Variants in PDE11A observed in about 807,000 individuals in gnomAD.
PDE11A encodes the protein phosphodiesterase 11A, also known as dual 3',5'-cyclic-AMP and -GMP phosphodiesterase 11A.
PDE11A carries 100 observed loss-of-function variants against 100.5 expected under a neutral mutation model. That is an observed-to-expected ratio of 1.00 (90% CI 0.85 to 1.18). The LOEUF is 1.18. Among genes scored for constraint, PDE11A ranks in the 50% most tolerant of loss-of-function variants. The pLI is 0.00. For synonymous variants in PDE11A, 381 were observed against 420.8 expected, an observed-to-expected ratio of 0.91 and a Z score of 1.16; for missense variants, 1,141 against 1,152.6, an observed-to-expected ratio of 0.99 and a Z score of 0.15.
At chr2:177,702,234 G>A (rs903641496) in intron 13 of PDE11A, among the ~76,000 whole-genome samples, 1 of 151,804 alleles carries the variant, frequency 6.6e-6, no homozygotes, top group South Asian at 2.1e-4. Flanking sequence ...AGAATCACTC[G>A]AAACTGGGAA....
chr2:177,727,843 C>G, intron 11 of PDE11A, 78 bp from the exon 12 acceptor site: 1 of 1,005,822 alleles, frequency 9.9e-7, no homozygotes, highest in Non-Finnish European at 1.6e-6. Context: ...TGCCTTATAT[C>G]TGAGTAACCC....
At chr2:177,919,615 T>C (rs1384416347) in intron 2 of PDE11A, among the ~76,000 whole-genome samples, 1 of 152,166 alleles carries the variant, frequency 6.6e-6, no homozygotes, top group Non-Finnish European at 1.5e-5. Context: ...CCAATGGCTA[T>C]AAAATTTTTA....
intron 13 of PDE11A, among the ~76,000 whole-genome samples, chr2:177,710,933 G>C (rs2081350415): frequency 6.6e-6 from 1 of 152,190 alleles, no homozygotes. Flanking sequence ...TCTTCGTTGA[G>C]GCCTTCTCTA....
intron 9 of PDE11A, among the ~76,000 whole-genome samples, chr2:177,782,389 C>A (rs1240796144): frequency 6.6e-6 from 1 of 152,302 alleles, no homozygotes; most frequent in African/African-American, 2.4e-5. Flanking sequence ...ATAAACAAAA[C>A]ATTATCAACA....
At chr2:177,642,030 T>C (rs965639453) in intron 19 of PDE11A, among the ~76,000 whole-genome samples, 1 of 152,224 alleles carries the variant, frequency 6.6e-6, no homozygotes. Flanking sequence ...GTCCCAGGTC[T>C]CTGACTCCAG....
chr2:177,631,311 CAAAAAAAAAAA>C (rs1279125548), intron 19 of PDE11A, among the ~76,000 whole-genome samples: 857 of 38,244 alleles, frequency 0.022, 64 homozygotes, highest in African/African-American at 0.049. Flanking sequence ...AAAAAAAAAA[CAAAAAAAAAAA>C]CAACCTAGGC....
intron 2 of PDE11A, among the ~76,000 whole-genome samples, chr2:177,949,458 C>T (rs1038082045): frequency 5.3e-5 from 8 of 152,060 alleles, no homozygotes; most frequent in African/African-American, 1.9e-4. Context: ...TATATAGATC[C>T]ATCCCAGCTG....
At chr2:177,902,750 G>A (rs1464263995) in intron 3 of PDE11A, among the ~76,000 whole-genome samples, 1 of 152,066 alleles carries the variant, frequency 6.6e-6, no homozygotes. Flanking sequence ...CTGTTTACTT[G>A]CCAGCTGTGC....
rs867579048 is a variant in PDE11A at position 178,037,535 on chromosome 2, G to C, written c.913-23075C>G. On this transcript the variant is annotated intron_variant, in intron 1 of 19. Transcript: ENST00000286063. The stretch of plus-strand genomic sequence containing the variant: ...CCCATTACTGGGTATATACCCAAAG[G>C]ATTATAAATCATTCTAATATAAAGA... Among the ~76,000 whole-genome samples the C allele has an allele frequency of 2.1e-4, 32 of 152,222 alleles. No homozygotes were observed. In the Middle Eastern group the frequency reaches 0.027, roughly 129 times the overall value.
At chr2:177,957,946 G>C (rs918706845) in intron 2 of PDE11A, among the ~76,000 whole-genome samples, 1 of 109,332 alleles carries the variant, frequency 9.1e-6, no homozygotes, top group African/African-American at 4.1e-5. Context: ...TGTTGCCCAG[G>C]CTGGAGTGCA....
At chr2:177,675,782 A>G in intron 16 of PDE11A, 1 of 610,914 alleles carries the variant, frequency 1.6e-6, no homozygotes, top group African/African-American at 1.8e-5. Flanking sequence ...AAAGCAAAGC[A>G]CTACTTTCTG....
At chr2:177,898,338 T>G (rs2084644390) in intron 3 of PDE11A, 140 bp from the exon 4 acceptor site, 1 of 649,932 alleles carries the variant, frequency 1.5e-6, no homozygotes, top group Non-Finnish European at 2.7e-6. Flanking sequence ...TTATGATTGT[T>G]TTGACATATT....
At chr2:177,670,538 G>C (rs1218578922) in intron 17 of PDE11A, among the ~76,000 whole-genome samples, 1 of 152,136 alleles carries the variant, frequency 6.6e-6, no homozygotes, top group African/African-American at 2.4e-5. Flanking sequence ...AAAAATATTG[G>C]AAGAGTAGAA....
At chr2:177,935,352 G>A (rs2085259207) in intron 2 of PDE11A, among the ~76,000 whole-genome samples, 1 of 149,812 alleles carries the variant, frequency 6.7e-6, no homozygotes, top group Non-Finnish European at 1.5e-5. Flanking sequence ...GGGCTAAATA[G>A]CCACGAATTT....
chr2:178,001,015 A>G (rs182749705), intron 2 of PDE11A, among the ~76,000 whole-genome samples: 20 of 152,098 alleles, frequency 1.3e-4, no homozygotes, highest in Non-Finnish European at 1.9e-4. Context: ...CTTTGCAAGC[A>G]CAAGTCAAGC....
chr2:178,096,245 G>A (rs1164280663), intron 2 of PDE11A, among the ~76,000 whole-genome samples: 1 of 148,156 alleles, frequency 6.7e-6, no homozygotes, highest in Non-Finnish European at 1.5e-5. Context: ...CTCACCGCAA[G>A]CCCCGCCTCC....
rs1253224361 is a variant in PDE11A, at chr2:178,081,435, A to G, written c.162+22867T>C. Among the ~76,000 whole-genome samples, 7 of 152,242 alleles carry G rather than the reference A, an allele frequency of 4.6e-5. 1 individual carries two copies. In the East Asian group the frequency reaches 1.3e-3, roughly 29 times the overall value. On this transcript the variant is annotated intron_variant, in intron 2 of 20. Coordinates refer to the PDE11A transcript ENST00000358450. ...TTGAGCAAATTATTCAATTCATGCT[A>G]TACTACAATAATAAGGTAAAGAATT...
intron 7 of PDE11A, 127 bp downstream of exon 7, chr2:177,820,093 G>A (rs41440047): frequency 0.34 from 218,786 of 640,618 alleles, 40,885 homozygotes; most frequent in African/African-American, 0.64. Flanking sequence ...TTATACGAGA[G>A]TGTGAGACAT....
At chr2:177,706,246 G>GT (rs1301225819) in intron 13 of PDE11A, among the ~76,000 whole-genome samples, 1 of 152,036 alleles carries the variant, frequency 6.6e-6, no homozygotes, top group Non-Finnish European at 1.5e-5. Flanking sequence ...AATGTCTCCT[G>GT]TTTTTTTATA....
Sources: gnomAD v4.1 joint callset for allele counts (sites outside exome capture counted in the v4.1 genomes callset) on GRCh38, gnomAD v4.1.1 for gene constraint, MANE v1.5 for transcripts, NCBI Gene and HGNC (gene_info 2026-07-23, HGNC 2026-07-21) for gene names.